The following SHISA9 variants were observed in gnomAD, a reference collection of about 807,000 sequenced individuals.
SHISA9 encodes the protein shisa family member 9, also known as protein shisa-9.
Under a neutral mutation model 38.0 loss-of-function variants are expected in SHISA9, and 13 were observed. The observed-to-expected ratio is 0.34, with a 90% CI of 0.22 to 0.54. The LOEUF is 0.54. SHISA9 is among the 20% of genes least tolerant of loss of function. The probability of loss-of-function intolerance (pLI) is 0.91; values close to 1 mark genes in which losing one functional copy is unlikely to be tolerated. For missense variants in SHISA9, 538 were observed against 575.8 expected (o/e 0.93, Z 0.67); for synonymous variants, 275 against 242.0 (o/e 1.14, Z -1.27).
the SHISA9 span, among the ~76,000 whole-genome samples, chr16:13,298,975 G>C: frequency 1.9e-4 from 29 of 152,252 alleles, no homozygotes; most frequent in African/African-American, 7.0e-4. Context: ...GCCTTTCCCA[G>C]ACACACTTGG....
At chr16:13,410,707 C>G in the SHISA9 span, among the ~76,000 whole-genome samples, 1 of 152,174 alleles carries the variant, frequency 6.6e-6, no homozygotes, top group Non-Finnish European at 1.5e-5. Context: ...ATTGGGAGAT[C>G]TCAATAAACA....
At chr16:12,975,162 C>T (rs2072140229) in intron 2 of SHISA9, among the ~76,000 whole-genome samples, 1 of 152,134 alleles carries the variant, frequency 6.6e-6, no homozygotes, top group Non-Finnish European at 1.5e-5. Flanking sequence ...GATAATTCCA[C>T]TAAAACTGTA....
chr16:13,011,466 C>T (rs1257361915), intron 2 of SHISA9, among the ~76,000 whole-genome samples: 1 of 151,984 alleles, frequency 6.6e-6, no homozygotes, highest in Non-Finnish European at 1.5e-5. Context: ...TGTCCTTTAC[C>T]CACATCTCCT....
At chr16:13,309,019 T>C in the SHISA9 span, among the ~76,000 whole-genome samples, 6 of 152,338 alleles carry the variant, frequency 3.9e-5, no homozygotes, top group African/African-American at 1.4e-4. Flanking sequence ...GTCTATACCA[T>C]ATTCTCTTGG....
intron 1 of SHISA9, chr16:12,908,373 A>G (rs1161058360): frequency 6.7e-7 from 1 of 1,497,554 alleles, no homozygotes; most frequent in Non-Finnish European, 8.9e-7. Context: ...TACATTGCAA[A>G]GTGTTGGCCT....
chr16:13,520,377 A>T, the SHISA9 span, among the ~76,000 whole-genome samples: 1 of 152,000 alleles, frequency 6.6e-6, no homozygotes, highest in Non-Finnish European at 1.5e-5. Flanking sequence ...AGGCGGGCAG[A>T]TCACGAGGTT....
intron 2 of SHISA9, among the ~76,000 whole-genome samples, chr16:12,927,378 T>C (rs1015984108): frequency 7.9e-5 from 12 of 152,132 alleles, no homozygotes; most frequent in Non-Finnish European, 4.4e-5. Context: ...AGACTGCCAA[T>C]CTCAAAGCAT....
chr16:13,077,662 G>A (rs1278513347), intron 2 of SHISA9, among the ~76,000 whole-genome samples: 1 of 152,182 alleles, frequency 6.6e-6, no homozygotes, highest in African/African-American at 2.4e-5. Flanking sequence ...AAAGTCAAGT[G>A]TTGGAGAAAC....
the SHISA9 span, among the ~76,000 whole-genome samples, chr16:13,370,269 T>C: frequency 1.1e-4 from 17 of 152,148 alleles, no homozygotes; most frequent in Non-Finnish European, 7.3e-5. Flanking sequence ...TTACCTTTTC[T>C]GCTCAGATAC....
intron 2 of SHISA9, among the ~76,000 whole-genome samples, chr16:13,166,522 C>T (rs903923573): frequency 1.3e-5 from 2 of 152,218 alleles, no homozygotes; most frequent in African/African-American, 4.8e-5. Context: ...TGCACCCTCT[C>T]TCCCTTTTCC....
the SHISA9 span, among the ~76,000 whole-genome samples, chr16:13,249,354 G>C: frequency 6.6e-6 from 1 of 152,064 alleles, no homozygotes; most frequent in Non-Finnish European, 1.5e-5. Flanking sequence ...TGTCATTTTG[G>C]GCAATCAATT....
the SHISA9 span, among the ~76,000 whole-genome samples, chr16:13,555,602 A>G: frequency 5.9e-5 from 9 of 152,194 alleles, no homozygotes; most frequent in Admixed American, 2.6e-4. Flanking sequence ...TGCAAATAAC[A>G]TGGACTGCCT....
intron 2 of SHISA9, among the ~76,000 whole-genome samples, chr16:13,119,984 T>C (rs2074069295): frequency 6.6e-6 from 1 of 151,750 alleles, no homozygotes; most frequent in Non-Finnish European, 1.5e-5. Flanking sequence ...CCAGAAAGAA[T>C]GGGAACATGA....
chr16:13,128,334 AC>A (rs1003130870), intron 2 of SHISA9, among the ~76,000 whole-genome samples: 10 of 151,974 alleles, frequency 6.6e-5, no homozygotes, highest in African/African-American at 2.2e-4. Flanking sequence ...CTTCTAACAA[AC>A]CTATCAGGTG....
chr16:13,004,688 G>C (rs1202883991), intron 2 of SHISA9, among the ~76,000 whole-genome samples: 5 of 151,940 alleles, frequency 3.3e-5, no homozygotes, highest in Admixed American at 3.3e-4. Flanking sequence ...ACTTTGGGAG[G>C]CCAAGGTGGG....
the SHISA9 span, among the ~76,000 whole-genome samples, chr16:13,370,115 C>T: frequency 2.0e-5 from 3 of 152,170 alleles, no homozygotes; most frequent in African/African-American, 7.2e-5. Context: ...TTCCAAAGTG[C>T]AGCCCGAGTC....
intron 2 of SHISA9, among the ~76,000 whole-genome samples, chr16:13,127,300 G>A (rs1017214211): frequency 3.5e-5 from 5 of 142,194 alleles, no homozygotes; most frequent in Non-Finnish European, 7.7e-5. Flanking sequence ...TGGAGGGAGA[G>A]AGAGAGAGTG....
the SHISA9 span, among the ~76,000 whole-genome samples, chr16:13,371,975 TTTC>T: frequency 6.6e-6 from 1 of 152,232 alleles, no homozygotes; most frequent in Non-Finnish European, 1.5e-5. Flanking sequence ...CTTGCCTGCC[TTTC>T]TTCTTCTTTG....
intron 2 of SHISA9, among the ~76,000 whole-genome samples, chr16:13,075,862 C>G (rs1018017138): frequency 2.6e-5 from 4 of 152,002 alleles, no homozygotes; most frequent in African/African-American, 9.7e-5. Context: ...CCAGATGATT[C>G]TTTGTTGCGG....
Sources: allele counts gnomAD v4.1 joint callset (sites outside exome capture counted in the v4.1 genomes callset), GRCh38; gene constraint gnomAD v4.1.1; transcripts MANE v1.5; gene names NCBI Gene and HGNC (gene_info 2026-07-23, HGNC 2026-07-21).